The following NPAS3 variants were observed in gnomAD, a reference collection of about 807,000 sequenced individuals.
NPAS3 encodes neuronal PAS domain-containing protein 3.
NPAS3 carries 14 observed loss-of-function variants against 73.1 expected under a neutral mutation model. That is an observed-to-expected ratio of 0.19 (90% CI 0.13 to 0.30). The LOEUF is 0.30. Ranked by LOEUF, NPAS3 falls within the 10% of genes least tolerant of loss-of-function variation. NPAS3 has a pLI of 1.00. For synonymous variants in NPAS3, 620 were observed against 541.5 expected (o/e 1.14, Z -2.01); for missense variants, 1,096 against 1,250.0 (o/e 0.88, Z 1.86).
At chr14:33,746,876 C>T (rs1263372921) in intron 7 of NPAS3, among the ~76,000 whole-genome samples, 2 of 151,256 alleles carry the variant, frequency 1.3e-5, no homozygotes, top group Non-Finnish European at 2.9e-5. Context: ...GTATATCTCC[C>T]AATGCTATCC....
chr14:33,021,467 G>T (rs1476600235), intron 1 of NPAS3, among the ~76,000 whole-genome samples: 1 of 152,080 alleles, frequency 6.6e-6, no homozygotes, highest in Non-Finnish European at 1.5e-5. Flanking sequence ...TGCACATTAG[G>T]AGTCACAAAT....
intron 4 of NPAS3, among the ~76,000 whole-genome samples, chr14:33,418,041 A>T (rs1046954165): frequency 8.6e-6 from 1 of 116,146 alleles, no homozygotes; most frequent in African/African-American, 4.1e-5. Flanking sequence ...GAACAAAAGC[A>T]ATGCAGGATT....
At chr14:33,090,864 A>G (rs2138806822) in intron 2 of NPAS3, among the ~76,000 whole-genome samples, 1 of 152,342 alleles carries the variant, frequency 6.6e-6, no homozygotes, top group East Asian at 1.9e-4. Flanking sequence ...GCTCAACTAC[A>G]TGGAAACTGA....
At chr14:33,287,926 GT>G (rs2041944587) in intron 3 of NPAS3, among the ~76,000 whole-genome samples, 1 of 151,796 alleles carries the variant, frequency 6.6e-6, no homozygotes. Flanking sequence ...GTTTTATTAT[GT>G]TTGCAAGTAA....
chr14:33,523,950 G>A (rs145105514), intron 4 of NPAS3, among the ~76,000 whole-genome samples: 7 of 152,264 alleles, frequency 4.6e-5, no homozygotes, highest in African/African-American at 1.7e-4. Context: ...TGAGTGTCAG[G>A]TAACGGATGC....
chr14:33,294,788 GA>G, intron 3 of NPAS3, among the ~76,000 whole-genome samples: 1 of 152,278 alleles, frequency 6.6e-6, no homozygotes, highest in Non-Finnish European at 1.5e-5. Context: ...AGATGAACAG[GA>G]ATCACAAGTG....
chr14:33,706,876 G>A (rs964193906), intron 6 of NPAS3, among the ~76,000 whole-genome samples: 2 of 152,120 alleles, frequency 1.3e-5, no homozygotes, highest in African/African-American at 4.8e-5. Context: ...CTCAAAGAAG[G>A]AAACAAGAAC....
At chr14:33,025,932 C>A (rs1462280789) in intron 1 of NPAS3, among the ~76,000 whole-genome samples, 3 of 152,176 alleles carry the variant, frequency 2.0e-5, no homozygotes, top group Admixed American at 6.5e-5. Context: ...TGAACTAATA[C>A]AGTTGCCAAG....
In NPAS3 at chr14:33,479,286, G is replaced by T. The variant is rs75439314; in HGVS notation, c.469-80835G>T. Among the ~76,000 whole-genome samples the T allele has an allele frequency of 7.4e-3, 1,127 of 152,096 alleles. 11 individuals carry two copies. Among genetic ancestry groups the T allele is most frequent in the Non-Finnish European group, 7.8e-3 (533 of 67,988 alleles). ...GCACTTACAGCTCGCTCTAGCAAGG[G>T]TAATAAATATATATGCTTTGCCACT... On this transcript the variant is annotated intron_variant, in intron 4 of 11. Coordinates refer to ENST00000356141, the Ensembl canonical transcript of NPAS3.
At chr14:33,020,446 G>A (rs1294188966) in intron 1 of NPAS3, among the ~76,000 whole-genome samples, 2 of 152,312 alleles carry the variant, frequency 1.3e-5, no homozygotes, top group East Asian at 3.9e-4. Context: ...GAGTAATGCA[G>A]GGAAAATCCA....
intron 4 of NPAS3, among the ~76,000 whole-genome samples, chr14:33,386,826 G>A (rs2046794031): frequency 6.6e-6 from 1 of 152,124 alleles, no homozygotes; most frequent in Non-Finnish European, 1.5e-5. Flanking sequence ...AGAATCAGGT[G>A]GGCGTCTTCA....
chr14:33,149,869 G>T (rs890575178), intron 2 of NPAS3, among the ~76,000 whole-genome samples: 1 of 152,046 alleles, frequency 6.6e-6, no homozygotes, highest in Admixed American at 6.6e-5. Flanking sequence ...ACATGCCATG[G>T]TGGTGTGCTG....
intron 7 of NPAS3, among the ~76,000 whole-genome samples, chr14:33,741,129 T>A (rs551527874): frequency 7.9e-5 from 12 of 152,254 alleles, no homozygotes; most frequent in African/African-American, 2.4e-4. Context: ...CCCAGACAAG[T>A]GTGGATGGAC....
At chr14:33,388,798 C>T (rs1227967618) in intron 4 of NPAS3, among the ~76,000 whole-genome samples, 8 of 152,098 alleles carry the variant, frequency 5.3e-5, no homozygotes, top group Admixed American at 4.6e-4. Context: ...AATCTGTTCC[C>T]GATACTGCTT....
At chr14:32,934,960 G>C, upstream of NPAS3, 3 of 1,294,916 alleles carry the variant, frequency 2.3e-6, no homozygotes, top group Non-Finnish European at 3.0e-6. The surrounding 1 kb of genome is among the most constrained non-coding windows in gnomAD (Gnocchi z 4.1). Flanking sequence ...CGCGGCCAAC[G>C]GCACCCCGCA....
chr14:33,484,644 A>T (rs535864657), intron 4 of NPAS3, among the ~76,000 whole-genome samples: 3 of 152,348 alleles, frequency 2.0e-5, no homozygotes, highest in East Asian at 1.9e-4. Context: ...AGTCACACAG[A>T]TCACATTCAA....
At chr14:32,937,491 A>T (rs1169386477), upstream of NPAS3, among the ~76,000 whole-genome samples, 1 of 152,078 alleles carries the variant, frequency 6.6e-6, no homozygotes, top group Non-Finnish European at 1.5e-5. Flanking sequence ...CTTCTCTGCC[A>T]GCCCATGTAT....
intron 3 of NPAS3, among the ~76,000 whole-genome samples, chr14:33,359,909 G>A (rs1210926659): frequency 1.3e-5 from 2 of 152,188 alleles, no homozygotes; most frequent in African/African-American, 4.8e-5. Flanking sequence ...AGAGGAAAGT[G>A]TTCACTGAAA....
rs191177036 is a variant in NPAS3 at position 33,509,594 on chromosome 14, T to C, written c.469-50527T>C. Among the ~76,000 whole-genome samples, 5 of 152,118 alleles carry C rather than the reference T, an allele frequency of 3.3e-5. No homozygotes were observed. In the East Asian group the frequency reaches 9.7e-4, roughly 30 times the overall value. On this transcript the variant is annotated intron_variant, in intron 4 of 11. Coordinates refer to ENST00000356141, the Ensembl canonical transcript of NPAS3. ...ATTCAGACTGGAATGACTGAGGGTG[T>C]GCATTAGGCTCAGTTAAGGAGACCT...
Sources: gnomAD v4.1 joint callset for allele counts (sites outside exome capture counted in the v4.1 genomes callset) on GRCh38, gnomAD v4.1.1 for gene constraint, Gnocchi (gnomAD v3.1) non-coding constraint, MANE v1.5 for transcripts, NCBI Gene and HGNC (gene_info 2026-07-23, HGNC 2026-07-21) for gene names.